BEND7: variants seen among roughly 807,000 people sequenced by gnomAD.
The protein encoded by BEND7 is BEN domain-containing protein 7.
In BEND7, 28 loss-of-function variants were observed where a neutral mutation model predicts 50.9. The observed-to-expected ratio is 0.55, with a 90% CI of 0.41 to 0.75. The LOEUF is 0.75. Ranked by LOEUF, BEND7 falls within the 30% of genes least tolerant of loss-of-function variation. The pLI, the probability that BEND7 is intolerant of heterozygous loss-of-function variation, is 0.00. For missense variants in BEND7, 477 were observed against 491.3 expected (o/e 0.97, Z 0.28); for synonymous variants, 170 against 183.9 (o/e 0.92, Z 0.61).
At chr10:13,508,387 G>C (rs1227506454) in intron 2 of BEND7, among the ~76,000 whole-genome samples, 1 of 152,234 alleles carries the variant, frequency 6.6e-6, no homozygotes, top group Admixed American at 6.5e-5. Context: ...GCAAAGCTCT[G>C]CTGAGGAGAC....
intron 1 of BEND7, chr10:13,527,804 C>G (rs890721262): frequency 2.2e-5 from 22 of 979,140 alleles, no homozygotes; most frequent in Non-Finnish European, 2.4e-5. Context: ...TCCACTTTCC[C>G]CTCCCTGACA....
Position 13,465,572 on chromosome 10 carries a change from A to C in BEND7, c.1064-12914T>G, listed in dbSNP as rs534671735. Among the ~76,000 whole-genome samples, 4 of 152,314 alleles carry C rather than the reference A, an allele frequency of 2.6e-5. No individual in the cohort carries two copies. The South Asian group carries it at 6.2e-4, about 24-fold the overall frequency. ...CTAGATATCCATAAAACTGATTCCA[A>C]GCCATATTTATCTGGTTCTTTAGGT... is the stretch of plus-strand genomic sequence containing the variant. On this transcript the variant is annotated intron_variant, in intron 6 of 8. Transcript: ENST00000466271.
intron 8 of BEND7, 116 bp downstream of exon 8, chr10:13,447,150 C>T (rs1836526919): frequency 1.9e-6 from 2 of 1,072,096 alleles, no homozygotes; most frequent in Non-Finnish European, 2.9e-6. Flanking sequence ...TGGTCCACTG[C>T]AGAAGCAGTT....
At chr10:13,486,606 T>C (rs916316488) in intron 5 of BEND7, among the ~76,000 whole-genome samples, 1 of 152,354 alleles carries the variant, frequency 6.6e-6, no homozygotes, top group Non-Finnish European at 1.5e-5. Context: ...ATTTACACGA[T>C]AGCCTATAGT....
chr10:13,439,638 G>A (rs1374550613), downstream of BEND7: 1 of 769,816 alleles, frequency 1.3e-6, no homozygotes, highest in African/African-American at 1.8e-5. Context: ...CTTGGTGTCA[G>A]CTTTGACACA....
chr10:13,493,008 A>C (rs1388094571), intron 4 of BEND7, 132 bp from the exon 5 acceptor site: 2 of 1,093,062 alleles, frequency 1.8e-6, no homozygotes, highest in Middle Eastern at 5.5e-4. Context: ...ACACTAAATA[A>C]ATCTCCAACT....
intron 4 of BEND7, among the ~76,000 whole-genome samples, chr10:13,494,497 C>T (rs376615704): frequency 4.6e-5 from 7 of 152,246 alleles, no homozygotes; most frequent in East Asian, 1.9e-4. Flanking sequence ...CACCTCCAGG[C>T]ATGCTGCCTG....
At chr10:13,514,563 C>T (rs2078520094) in intron 2 of BEND7, among the ~76,000 whole-genome samples, 1 of 149,634 alleles carries the variant, frequency 6.7e-6, no homozygotes, top group African/African-American at 2.4e-5. Flanking sequence ...GCTGCCTGTC[C>T]AGAATGATCA....
chr10:13,466,478 G>C (rs572815199), intron 6 of BEND7, among the ~76,000 whole-genome samples: 7 of 152,108 alleles, frequency 4.6e-5, no homozygotes, highest in Admixed American at 3.3e-4. Context: ...AGAATTGCTT[G>C]AGCCTGGAAG....
At position 13,441,576 on chromosome 10, in the gene BEND7, A is replaced by C. The variant is rs768585845; in HGVS notation, c.*167T>G. The C allele has an allele frequency of 6.9e-7, 1 of 1,457,488 alleles. No homozygotes were observed. The highest frequency in any genetic ancestry group is 9.1e-7 in the Non-Finnish European group (1 of 1,104,864). The allele number at this position is 1,457,488 out of a possible 1,614,324, so 90.3% of individuals were successfully genotyped here. A position where few individuals can be genotyped will look rare whatever the true frequency, so the allele number is the denominator to read the frequency against. On this transcript the variant is annotated 3_prime_UTR_variant, in exon 9 of 9. Transcript: ENST00000466271. ...TCTTAACAGACCACAGTTGGAAGTT[A>C]GCGTTTCTGCCTTGACCAGCAACAT...
chr10:13,444,558 G>A (rs1052269647), intron 8 of BEND7: 5 of 152,186 alleles, frequency 3.3e-5, no homozygotes, highest in Non-Finnish European at 5.9e-5. Context: ...GATAATGAGA[G>A]TCTGTATCAG....
intron 4 of BEND7, among the ~76,000 whole-genome samples, chr10:13,494,068 T>C (rs2076857839): frequency 6.6e-6 from 1 of 152,178 alleles, no homozygotes; most frequent in South Asian, 2.1e-4. Context: ...CAGTAATTAG[T>C]CTAGCTCAAT....
intron 2 of BEND7, among the ~76,000 whole-genome samples, chr10:13,507,054 G>A (rs938498941): frequency 1.2e-4 from 19 of 152,114 alleles, no homozygotes; most frequent in Non-Finnish European, 2.4e-4. Flanking sequence ...TTTTATCCAC[G>A]AGTAGGCTGG....
chr10:13,515,248 C>G (rs1266545938), intron 2 of BEND7, among the ~76,000 whole-genome samples: 1 of 152,196 alleles, frequency 6.6e-6, no homozygotes, highest in Non-Finnish European at 1.5e-5. Flanking sequence ...CAAATGCTCG[C>G]AGAATACTCT....
chr10:13,480,209 G>A (rs957508383), intron 6 of BEND7, among the ~76,000 whole-genome samples: 3 of 152,224 alleles, frequency 2.0e-5, no homozygotes, highest in African/African-American at 7.2e-5. Context: ...GTTAAGAGAA[G>A]TAGGTTTAGG....
intron 2 of BEND7, among the ~76,000 whole-genome samples, chr10:13,520,486 T>G (rs1016521679): frequency 2.0e-5 from 3 of 151,976 alleles, no homozygotes; most frequent in South Asian, 2.1e-4. Flanking sequence ...GTGAAGGGCT[T>G]TGCCTTGATT....
intron 2 of BEND7, among the ~76,000 whole-genome samples, chr10:13,516,845 T>C (rs906278372): frequency 6.6e-6 from 1 of 152,194 alleles, no homozygotes; most frequent in African/African-American, 2.4e-5. Context: ...ATACAGGCTT[T>C]GAAGAGTTGA....
chr10:13,494,896 A>C (rs2076925931), intron 4 of BEND7, among the ~76,000 whole-genome samples: 1 of 152,244 alleles, frequency 6.6e-6, no homozygotes, highest in South Asian at 2.1e-4. Flanking sequence ...AAATCTACCC[A>C]CATGACACAA....
chr10:13,487,463 C>T (rs893941391), intron 5 of BEND7, among the ~76,000 whole-genome samples: 21 of 151,208 alleles, frequency 1.4e-4, no homozygotes, highest in African/African-American at 7.3e-5. Flanking sequence ...TTTGGCTCAC[C>T]GCAACCTCTG....
Sources: allele counts gnomAD v4.1 joint callset (sites outside exome capture counted in the v4.1 genomes callset), GRCh38; gene constraint gnomAD v4.1.1; transcripts MANE v1.5; gene names NCBI Gene and HGNC (gene_info 2026-07-23, HGNC 2026-07-21).